MYORG: variants seen among roughly 807,000 people sequenced by gnomAD.
MYORG encodes the protein myogenesis regulating glycosidase, also known as alpha-galactosidase MYORG.
In MYORG, 45 loss-of-function variants were observed where a neutral mutation model predicts 49.8. The ratio of observed to expected loss-of-function variants is 0.90; its 90% CI spans 0.71 to 1.16. MYORG has a LOEUF of 1.16. Ranked by LOEUF, MYORG falls within the 50% of genes most tolerant of loss-of-function variation. The pLI, the probability that MYORG is intolerant of heterozygous loss-of-function variation, is 0.00. For missense variants in MYORG, 1,110 were observed against 1,026.5 expected, an observed-to-expected ratio of 1.08 and a Z score of -1.11; for synonymous variants, 552 against 462.9, an observed-to-expected ratio of 1.19 and a Z score of -2.47.
rs376551183 is a variant in MYORG, at chr9:34,371,424, T to C, written c.1520A>G (p.Tyr507Cys). 4.3e-6 allele frequency: 7 copies of C among 1,613,012 alleles called. No homozygotes were observed. Among genetic ancestry groups the C allele is most frequent in the African/African-American group, 1.3e-5 (1 of 74,918 alleles). The change falls in exon 2 of 2, where the codon TAC (tyrosine) becomes TGC (cysteine). Residue 507 changes from tyrosine to cysteine, a missense_variant. Tyr to Cys is a radical substitution (Grantham distance 194). Coordinates refer to ENST00000297625, the MANE Select transcript of MYORG (RefSeq NM_020702.5). ...GAAGCAGGAGATGTTCTGTGACTGG[T>C]AGCCTACGCGCACCTCCGCCAGCGA... ...FFSLAEVRVG[Y>C]QSQNISCFFR...
intron 1 of MYORG, 89 bp from the exon 2 acceptor site, chr9:34,373,095 T>A (rs908771919): frequency 1.8e-5 from 17 of 953,414 alleles, no homozygotes; most frequent in Non-Finnish European, 2.5e-5. Flanking sequence ...GTGTATACTT[T>A]GGGAAGATGA....
chr9:34,374,963 G>A (rs1190461658), intron 1 of MYORG, among the ~76,000 whole-genome samples: 1 of 151,016 alleles, frequency 6.6e-6, no homozygotes, highest in Non-Finnish European at 1.5e-5. Context: ...GAAGAGGTGT[G>A]TCCTACTCTG....
At position 34,371,964 on chromosome 9, in the gene MYORG, G is replaced by A. The variant is rs1454379408; in HGVS notation, c.980C>T (p.Ala327Val). ...ACGCAGCACCTTGTCCTGGTCCACG[G>A]CGCGCCCGTACAGCGCCCATGTGGA... ...IWSTWALYGR[A>V]VDQDKVLRFA... The change falls in exon 2 of 2, where the codon GCC becomes GTC. Residue 327 changes from alanine (A) to valine (V), a missense_variant. Physicochemically the swap from Ala to Val is moderately conservative, Grantham distance 64. Transcript: ENST00000297625. 3.7e-6 allele frequency: 6 copies of A among 1,614,038 alleles called. No individual in the cohort carries two copies. Among genetic ancestry groups the A allele is most frequent in the Non-Finnish European group, 5.1e-6 (6 of 1,179,896 alleles).
At position 34,371,409 on chromosome 9, in the gene MYORG, A is replaced by T. The variant is rs749250746; in HGVS notation, c.1535T>A (p.Ile512Asn). 1 of 1,613,264 alleles carries T rather than the reference A, an allele frequency of 6.2e-7. No individual in the cohort carries two copies. Among genetic ancestry groups the T allele is most frequent in the Non-Finnish European group, 8.5e-7 (1 of 1,179,794 alleles). ...ATCCACCAGGCGGAAGAAGCAGGAG[A>T]TGTTCTGTGACTGGTAGCCTACGCG... ...EVRVGYQSQN[I>N]SCFFRLVDRD... The change falls in exon 2 of 2, where the codon ATC becomes AAC. Residue 512 changes from isoleucine to asparagine, a missense_variant. By Grantham distance (149) the Ile-to-Asn change is moderately radical. Coordinates refer to ENST00000297625, the MANE Select transcript of MYORG (RefSeq NM_020702.5).
rs1434477833 is a variant in MYORG at position 34,372,187 on chromosome 9, C to G, written c.757G>C (p.Glu253Gln). 6.2e-7 allele frequency: 1 copy of G among 1,611,708 alleles called. No homozygotes were observed. Among genetic ancestry groups the G allele is most frequent in the African/African-American group, 1.3e-5 (1 of 74,910 alleles). The stretch of plus-strand genomic sequence containing the variant: ...CGCGCCTGAAGCCGCAGCGAGCGCT[C>G]CGTGCTGTTCCAGCCCAGGTGGAAG... ...VPFHLGWNST[E>Q]RSLRLQARYH... The change falls in exon 2 of 2, where the codon GAG becomes CAG. Residue 253 changes from glutamate (E) to glutamine (Q), a missense_variant. Coordinates refer to ENST00000297625, the MANE Select transcript of MYORG (RefSeq NM_020702.5).
In MYORG at chr9:34,372,964, A is replaced by G. The variant is rs1169578181; in HGVS notation, c.-21T>C. 1 of 1,606,898 alleles carries G rather than the reference A, an allele frequency of 6.2e-7. No individual in the cohort carries two copies. The highest frequency in any genetic ancestry group is 1.7e-5 in the Admixed American group (1 of 59,634). Reference sequence around the variant, plus strand: ...AGCATTAGTGGGCTGCTAAGAAAGGAGCGGGCCGTGGGGCCATCTGACTGA... The same window carrying G: ...AGCATTAGTGGGCTGCTAAGAAAGGGGCGGGCCGTGGGGCCATCTGACTGA... On this transcript the variant is annotated 5_prime_UTR_variant, in exon 2 of 2. Coordinates refer to ENST00000297625, the MANE Select transcript of MYORG (RefSeq NM_020702.5).
rs1208954072 is a variant in MYORG at position 34,372,743 on chromosome 9, A to G, written c.201T>C (p.Leu67=). Residue 67 remains leucine, a synonymous_variant, in exon 2 of 2, where the codon CTT becomes CTC. Transcript: ENST00000297625. ...LLGSAVLGLL[L]VLAAVVAWCY... is the part of the protein sequence containing the mutation. The stretch of plus-strand genomic sequence containing the variant: ...ACCAGGCCACCACCGCGGCCAGCAC[A>G]AGCAGCAGCCCCAGAACCGCGGAGC... The G allele has an allele frequency of 1.9e-6, 3 of 1,613,620 alleles. No individual in the cohort carries two copies. The highest frequency in any genetic ancestry group is 2.2e-5 in the East Asian group (1 of 44,890).
Position 34,370,447 on chromosome 9 carries a change from C to T in MYORG, c.*352G>A. ...CGAAAGCCAGGAGGGGGAGGTTTCT[C>T]TTTGTGCTTTTAAACCCCAACCATG... On this transcript the variant is annotated 3_prime_UTR_variant, in exon 2 of 2. Coordinates refer to ENST00000297625, the MANE Select transcript of MYORG (RefSeq NM_020702.5). 1 of 201,998 alleles carries T rather than the reference C, an allele frequency of 5.0e-6. No homozygotes were observed. Among genetic ancestry groups the T allele is most frequent in the East Asian group, 1.2e-4 (1 of 8,384 alleles). The allele number at this position is 201,998 out of a possible 1,614,324, so 12.5% of individuals were successfully genotyped here.
chr9:34,375,401 C>T (rs1820703176), intron 1 of MYORG, among the ~76,000 whole-genome samples: 1 of 152,220 alleles, frequency 6.6e-6, no homozygotes, highest in Non-Finnish European at 1.5e-5. Context: ...TTCCCTTTCT[C>T]TCAGTCTACA....
chr9:34,375,673 G>A (rs1214779670), intron 1 of MYORG, among the ~76,000 whole-genome samples: 1 of 152,226 alleles, frequency 6.6e-6, no homozygotes, highest in Non-Finnish European at 1.5e-5. Flanking sequence ...ACTTTCATAT[G>A]AAGTCAGCCT....
chr9:34,369,990 C>T lies in MYORG; in HGVS notation c.*809G>A, dbSNP rs909073210. The T allele has an allele frequency of 1.3e-5, 2 of 152,442 alleles. No individual in the cohort carries two copies. Among genetic ancestry groups the T allele is most frequent in the African/African-American group, 4.8e-5 (2 of 41,380 alleles). 9.4% of individuals were successfully genotyped at this position (152,442 alleles called of 1,614,324 possible). ...TGTGTTCATTTCATAGATCAGGGACCCATGATGCGTGTTTCTCTCTCTCTC... is the reference window on the plus strand; with the variant it reads ...TGTGTTCATTTCATAGATCAGGGACTCATGATGCGTGTTTCTCTCTCTCTC... On this transcript the variant is annotated 3_prime_UTR_variant, in exon 2 of 2. Transcript: ENST00000297625.
At position 34,371,928 on chromosome 9, in the gene MYORG, T is replaced by G; in HGVS notation, c.1016A>C (p.Gln339Pro). Residue 339 changes from glutamine to proline, a missense_variant, in exon 2 of 2, where the codon CAG becomes CCG. By Grantham distance (76) the Gln-to-Pro change is moderately conservative. Transcript: ENST00000297625. ...GCTGTTGAAGTGGTGCAGGCGGATCTGTTGGGCAAAACGCAGCACCTTGTC... is the reference window on the plus strand; with the variant it reads ...GCTGTTGAAGTGGTGCAGGCGGATCGGTTGGGCAAAACGCAGCACCTTGTC... ...DQDKVLRFAQ[Q>P]IRLHHFNSSH... is the part of the protein sequence containing the mutation. The G allele has an allele frequency of 6.2e-7, 1 of 1,614,052 alleles. No individual in the cohort carries two copies. Among genetic ancestry groups the G allele is most frequent in the Non-Finnish European group, 8.5e-7 (1 of 1,179,878 alleles).
chr9:34,374,329 A>G (rs191191271), intron 1 of MYORG, among the ~76,000 whole-genome samples: 67 of 152,298 alleles, frequency 4.4e-4, no homozygotes, highest in African/African-American at 1.4e-3. Flanking sequence ...CATTGCTTCC[A>G]TGATGAAATT....
rs557376248 is a variant in MYORG at position 34,367,262 on chromosome 9, G to T, written c.*3537C>A. 1 of 152,116 alleles carries T rather than the reference G, an allele frequency of 6.6e-6. No individual in the cohort carries two copies. Among genetic ancestry groups the T allele is most frequent in the South Asian group, 2.1e-4 (1 of 4,812 alleles). The allele number at this position is 152,116 out of a possible 1,614,324, so 9.4% of individuals were successfully genotyped here. A position where few individuals can be genotyped will look rare whatever the true frequency, so the allele number is the denominator to read the frequency against. On this transcript the variant is annotated 3_prime_UTR_variant, in exon 2 of 2. Coordinates refer to ENST00000297625, the MANE Select transcript of MYORG (RefSeq NM_020702.5). ...ACAATTATGGGAGCTACAATTTAAG[G>T]TGATATTTGGATGGGGACACAGCCA... is the stretch of plus-strand genomic sequence containing the variant.
Position 34,373,001 on chromosome 9 carries a change from C to T in MYORG, c.-58G>A. On this transcript the variant is annotated 5_prime_UTR_variant, in exon 2 of 2. Transcript: ENST00000297625. ...GGCCATCTGACTGAGTTCATCTCAA[C>T]CTGCTCTGAAAGGAGGAGACAGAGA... 2 of 1,570,838 alleles carry T rather than the reference C, an allele frequency of 1.3e-6. No individual in the cohort carries two copies. The highest frequency in any genetic ancestry group is 1.3e-5 in the African/African-American group (1 of 74,146).
In MYORG at chr9:34,372,359, G is replaced by A. The variant is rs367673132; in HGVS notation, c.585C>T (p.His195=). ...WYGGAEMRTQ[H]WPIRLDGQQE... Reference sequence around the variant, plus strand: ...GCTGGCCATCCAGGCGGATGGGCCAGTGTTGCGTCCTCATCTCGGCGCCAC... The same window carrying A: ...GCTGGCCATCCAGGCGGATGGGCCAATGTTGCGTCCTCATCTCGGCGCCAC... The change falls in exon 2 of 2, where the codon CAC becomes CAT. Residue 195 remains histidine (H), a synonymous_variant. Transcript: ENST00000297625. 2 of 1,596,502 alleles carry A rather than the reference G, an allele frequency of 1.3e-6. No individual in the cohort carries two copies. Among genetic ancestry groups the A allele is most frequent in the Non-Finnish European group, 1.7e-6 (2 of 1,172,980 alleles).
chr9:34,371,513 G>A lies in MYORG; in HGVS notation c.1431C>T (p.Tyr477=). ...VSYLPRDFST[Y]RPLPDPSVWS... is the part of the protein sequence containing the mutation. The stretch of plus-strand genomic sequence containing the variant: ...AGACGCTGGGGTCCGGCAGCGGCCG[G>A]TAGGTGCTGAAGTCCCGCGGCAGGT... The change falls in exon 2 of 2, where the codon TAC becomes TAT. Residue 477 remains tyrosine (Y), a synonymous_variant. Transcript: ENST00000297625. The A allele has an allele frequency of 6.2e-7, 1 of 1,609,556 alleles. No individual in the cohort carries two copies. Among genetic ancestry groups the A allele is most frequent in the Non-Finnish European group, 8.5e-7 (1 of 1,179,586 alleles).
At position 34,372,252 on chromosome 9, in the gene MYORG, G is replaced by C; in HGVS notation, c.692C>G (p.Ser231Cys). Residue 231 changes from serine (S) to cysteine (C), a missense_variant, in exon 2 of 2, where the codon TCT (serine) becomes TGT (cysteine). Physicochemically the swap from Ser to Cys is moderately radical, Grantham distance 112 (BLOSUM62 -1). Coordinates refer to ENST00000297625, the MANE Select transcript of MYORG (RefSeq NM_020702.5). ...FGGILERYWL[S>C]SRAAAIKVND... ...GACTTTGATGGCGGCCGCGCGCGAA[G>C]ATAGCCAGTAGCGCTCGAGGATGCC... The C allele has an allele frequency of 2.5e-6, 4 of 1,610,968 alleles. No individual in the cohort carries two copies. The highest frequency in any genetic ancestry group is 2.7e-5 in the African/African-American group (2 of 75,038).
At position 34,366,920 on chromosome 9, in the gene MYORG, G is replaced by C. The variant is rs1166591133; in HGVS notation, c.*3879C>G. 6.6e-6 allele frequency: 1 copy of C among 152,226 alleles called. No individual in the cohort carries two copies. The highest frequency in any genetic ancestry group is 1.5e-5 in the Non-Finnish European group (1 of 68,056). 9.4% of individuals were successfully genotyped at this position (152,226 alleles called of 1,614,324 possible). A position where few individuals can be genotyped will look rare whatever the true frequency, so the allele number is the denominator to read the frequency against. ...GCTTTCATCAGGCATTTTCCACACT[G>C]AGAAAATAAAGAAGGTAGAGGAGTG... On this transcript the variant is annotated 3_prime_UTR_variant, in exon 2 of 2. Transcript: ENST00000297625.
Sources: allele counts gnomAD v4.1 joint callset (sites outside exome capture counted in the v4.1 genomes callset), GRCh38; gene constraint gnomAD v4.1.1; transcripts MANE v1.5; gene names NCBI Gene and HGNC (gene_info 2026-07-23, HGNC 2026-07-21).